PCDHA7: variants seen among roughly 807,000 people sequenced by gnomAD.
The protein encoded by PCDHA7 is protocadherin alpha-7.
A neutral mutation model predicts 57.2 loss-of-function variants in PCDHA7; 37 were observed. That is an observed-to-expected ratio of 0.65 (90% confidence interval 0.50 to 0.85). The LOEUF (loss-of-function observed/expected upper bound fraction) is 0.85, where lower values mean the gene tolerates loss of function less well. Among genes scored for constraint, PCDHA7 ranks in the 40% least tolerant of loss-of-function variants. The pLI is 0.00. For missense variants in PCDHA7, 1,188 were observed against 1,241.8 expected, an observed-to-expected ratio of 0.96 and a Z score of 0.65; for synonymous variants, 553 against 558.8, an observed-to-expected ratio of 0.99 and a Z score of 0.15.
intron 1 of PCDHA7, chr5:140,969,611 A>G: frequency 1.4e-6 from 1 of 723,476 alleles, no homozygotes; most frequent in Non-Finnish European, 2.2e-6. Flanking sequence ...TAAAACACAG[A>G]TTTGTAGAGA....
At chr5:140,888,610 A>G (rs1180344966) in intron 1 of PCDHA7, among the ~76,000 whole-genome samples, 1 of 152,210 alleles carries the variant, frequency 6.6e-6, no homozygotes, top group African/African-American at 2.4e-5. Context: ...CTTTTAGTGT[A>G]GCACTAATTC....
intron 3 of PCDHA7, among the ~76,000 whole-genome samples, chr5:141,006,214 TTA>T (rs2098261511): frequency 6.6e-6 from 1 of 152,046 alleles, no homozygotes; most frequent in South Asian, 2.1e-4. Flanking sequence ...TCATTTTTTT[TTA>T]AATTTTTTAT....
At chr5:140,914,802 T>C (rs2076849351) in intron 1 of PCDHA7, among the ~76,000 whole-genome samples, 1 of 152,202 alleles carries the variant, frequency 6.6e-6, no homozygotes, top group African/African-American at 2.4e-5. Flanking sequence ...TTTAAACTGA[T>C]GGCAACTTAA....
chr5:140,835,513 G>T lies in PCDHA7; in HGVS notation c.1130G>T (p.Arg377Leu), dbSNP rs1773701294. 6.2e-7 allele frequency: 1 copy of T among 1,613,936 alleles called. No homozygotes were observed. Among genetic ancestry groups the T allele is most frequent in the Non-Finnish European group, 8.5e-7 (1 of 1,179,874 alleles). Residue 377 changes from arginine (R) to leucine (L), a missense_variant, in exon 1 of 4, where the codon CGA becomes CTA. Arg to Leu is a moderately radical substitution (Grantham distance 102). Coordinates refer to ENST00000525929, the MANE Select transcript of PCDHA7 (RefSeq NM_018910.3). ...ATCACATTGATTAGCGTGTTTGACC[G>T]AGATTTTGGAGTCAACGGACAGGTT... Reference protein sequence around the residue: ...TVITLISVFDRDFGVNGQVTC... With the variant: ...TVITLISVFDLDFGVNGQVTC...
intron 1 of PCDHA7, chr5:140,870,528 A>G (rs556976390): frequency 3.1e-6 from 5 of 1,614,214 alleles, no homozygotes; most frequent in African/African-American, 2.7e-5. Context: ...ACATCTTCAC[A>G]GTGTCGGCGC....
Position 140,849,712 on chromosome 5 carries a change from C to T in PCDHA7, c.2355+12974C>T, listed in dbSNP as rs2150446144. 1.9e-6 allele frequency: 3 copies of T among 1,598,618 alleles called. No individual in the cohort carries two copies. On this transcript the variant is annotated intron_variant, in intron 1 of 3. Transcript: ENST00000525929. ...GTGTCCACCTACAAGAATTACTACT[C>T]GTTGGTGCTGGACAGAGCTCTGGAC... is the stretch of plus-strand genomic sequence containing the variant.
intron 1 of PCDHA7, chr5:140,869,390 G>A: frequency 1.2e-6 from 2 of 1,614,230 alleles, no homozygotes; most frequent in Non-Finnish European, 1.7e-6. Flanking sequence ...GAGGAGCTGT[G>A]CGGGCAGAGC....
At chr5:140,894,066 A>G (rs997633914) in intron 1 of PCDHA7, among the ~76,000 whole-genome samples, 1 of 152,204 alleles carries the variant, frequency 6.6e-6, no homozygotes, top group Admixed American at 6.5e-5. Context: ...ATTTTTAAAT[A>G]CATTTATTTT....
chr5:140,849,790 C>G lies in PCDHA7; in HGVS notation c.2355+13052C>G, dbSNP rs2150450402. 2.5e-6 allele frequency: 4 copies of G among 1,598,236 alleles called. 1 individual carries two copies. The highest frequency in any genetic ancestry group is 2.2e-5 in the East Asian group (1 of 44,828). ...GTGGTTACCGCGCGGGACGGGGGCT[C>G]GCCTTCACTGTGGGCCACGGCCAGG... On this transcript the variant is annotated intron_variant, in intron 1 of 3. Transcript: ENST00000525929.
intron 1 of PCDHA7, chr5:140,967,982 G>T (rs1563372383): frequency 1.9e-6 from 3 of 1,614,224 alleles, no homozygotes; most frequent in Non-Finnish European, 2.5e-6. Context: ...GGGTCTGGAG[G>T]CCACACTGCC....
At chr5:140,876,493 C>G in intron 1 of PCDHA7, 1 of 1,614,008 alleles carries the variant, frequency 6.2e-7, no homozygotes, top group South Asian at 1.1e-5. Flanking sequence ...GGTGGAAGTT[C>G]TGGACGTGAA....
At position 140,856,173 on chromosome 5, in the gene PCDHA7, C is replaced by A. The variant is rs782775861; in HGVS notation, c.2355+19435C>A. The stretch of plus-strand genomic sequence containing the variant: ...GTCTACGAGGAGGCCAGACACGGCA[C>A]CTTCGTGGGCCGCATCGCGCAGGAC... On this transcript the variant is annotated intron_variant, in intron 1 of 3. Coordinates refer to ENST00000525929, the MANE Select transcript of PCDHA7 (RefSeq NM_018910.3). The A allele has an allele frequency of 1.1e-5, 17 of 1,598,116 alleles. 1 individual carries two copies. The highest frequency in any genetic ancestry group is 3.4e-4 in the Middle Eastern group (2 of 5,954).
Position 140,883,537 on chromosome 5 carries a change from G to A in PCDHA7, c.2355+46799G>A, listed in dbSNP as rs782001309. 3 of 1,614,238 alleles carry A rather than the reference G, an allele frequency of 1.9e-6. No individual in the cohort carries two copies. The African/African-American group carries it at 4.0e-5, about 22-fold the overall frequency. On this transcript the variant is annotated intron_variant, in intron 1 of 3. Transcript: ENST00000525929. ...GCGAGAGCGTATCAGCCTATGAACT[G>A]GTGGTGACCGCGCGGGACGGGGGCT...
chr5:140,859,774 G>C (rs1214476805), intron 1 of PCDHA7: 1 of 152,534 alleles, frequency 6.6e-6, no homozygotes, highest in Non-Finnish European at 1.5e-5. Flanking sequence ...TCCATGCCCT[G>C]TCTCCAGCTC....
chr5:140,986,220 T>C (rs2097190951), intron 3 of PCDHA7, among the ~76,000 whole-genome samples: 1 of 152,194 alleles, frequency 6.6e-6, no homozygotes, highest in African/African-American at 2.4e-5. Flanking sequence ...CCCCTTTCTC[T>C]AGCCTCCCCT....
At chr5:140,902,594 A>G (rs1208012043) in intron 1 of PCDHA7, among the ~76,000 whole-genome samples, 1 of 152,112 alleles carries the variant, frequency 6.6e-6, no homozygotes, top group Non-Finnish European at 1.5e-5. Context: ...TTTGGGAAAC[A>G]GGTCGTTTTC....
In PCDHA7 at chr5:140,836,634, T is replaced by C. The variant is rs1554136166; in HGVS notation, c.2251T>C (p.Ser751Pro). 1.9e-6 allele frequency: 3 copies of C among 1,613,416 alleles called. No individual in the cohort carries two copies. The highest frequency in any genetic ancestry group is 8.5e-7 in the Non-Finnish European group (1 of 1,179,648). Residue 751 changes from serine (S) to proline (P), a missense_variant, in exon 1 of 4, where the codon TCC becomes CCC. Ser to Pro is a moderately conservative substitution (Grantham distance 74). Transcript: ENST00000525929. ...CAGCGCGGTGGGGAGCTGGTCATTC[T>C]CCCAGCAGAGGCGGCAGAGGGTGTG... ...CSSAVGSWSF[S>P]QQRRQRVCSG...
In PCDHA7 at chr5:140,835,502, C is replaced by A. The variant is rs139807581; in HGVS notation, c.1119C>A (p.Ser373Arg). The stretch of plus-strand genomic sequence containing the variant: ...CAGGTACCGTCATCACATTGATTAG[C>A]GTGTTTGACCGAGATTTTGGAGTCA... Reference protein sequence around the residue: ...AQPGTVITLISVFDRDFGVNG... With the variant: ...AQPGTVITLIRVFDRDFGVNG... The change falls in exon 1 of 4, where the codon AGC becomes AGA. Residue 373 changes from serine to arginine, a missense_variant. Physicochemically the swap from Ser to Arg is moderately radical, Grantham distance 110. This residue lies in a region of PCDHA7 where 892 missense variants were observed against 788.5 expected (regional missense o/e 1.13). Transcript: ENST00000525929. 2.5e-6 allele frequency: 4 copies of A among 1,613,806 alleles called. No homozygotes were observed. The highest frequency in any genetic ancestry group is 1.7e-5 in the Admixed American group (1 of 59,986).
At chr5:140,967,518 A>T (rs1554229639) in intron 1 of PCDHA7, 1 of 1,612,930 alleles carries the variant, frequency 6.2e-7, no homozygotes, top group Non-Finnish European at 8.5e-7. Flanking sequence ...CTGGACACTA[A>T]CGACAACTCT....
Sources: gnomAD v4.1 joint callset for allele counts (sites outside exome capture counted in the v4.1 genomes callset) on GRCh38, gnomAD v4.1.1 for gene constraint, gnomAD v4.1.1 regional missense constraint, MANE v1.5 for transcripts, NCBI Gene and HGNC (gene_info 2026-07-23, HGNC 2026-07-21) for gene names.